UBR3: variants seen among roughly 807,000 people sequenced by gnomAD.
The protein encoded by UBR3 is ubiquitin protein ligase E3 component n-recognin 3.
UBR3 carries 85 observed loss-of-function variants against 243.2 expected under a neutral mutation model. That is an observed-to-expected ratio of 0.35 (90% CI 0.29 to 0.42). The LOEUF is 0.42. Ranked by LOEUF, UBR3 falls within the 10% of genes least tolerant of loss-of-function variation. The pLI is 1.00. For synonymous variants in UBR3, 748 were observed against 799.8 expected (o/e 0.94, Z 1.09); for missense variants, 1,686 against 2,300.8 (o/e 0.73, Z 5.47).
intron 24 of UBR3, 28 bp from the exon 25 acceptor site, chr2:169,986,617 T>C (rs763719952): frequency 1.3e-6 from 2 of 1,590,392 alleles, no homozygotes; most frequent in Non-Finnish European, 1.7e-6. Context: ...TCCTAAGGAA[T>C]TAAAGAGATG....
chr2:170,057,679 T>A (rs1278671608), intron 33 of UBR3, among the ~76,000 whole-genome samples: 7 of 152,172 alleles, frequency 4.6e-5, no homozygotes, highest in Non-Finnish European at 1.0e-4. Context: ...GTCCAGTTTT[T>A]TTCTGAACCT....
intron 32 of UBR3, among the ~76,000 whole-genome samples, chr2:170,045,325 C>T (rs61279818): frequency 0.051 from 7,741 of 152,118 alleles, 384 homozygotes; most frequent in African/African-American, 0.13. Context: ...TCCCACAACA[C>T]GAGGGAGTTA....
intron 1 of UBR3, among the ~76,000 whole-genome samples, chr2:169,857,601 A>C (rs75107001): frequency 7.5e-6 from 1 of 133,128 alleles, no homozygotes; most frequent in African/African-American, 2.7e-5. Context: ...TTTTTTTTTT[A>C]TTTTTAGTAG....
intron 30 of UBR3, 122 bp downstream of exon 30, chr2:170,015,488 G>T: frequency 1.6e-6 from 1 of 624,030 alleles, no homozygotes; most frequent in Non-Finnish European, 2.7e-6. Context: ...TTTAGATAGT[G>T]ATATATACTT....
intron 24 of UBR3, among the ~76,000 whole-genome samples, chr2:169,985,362 A>G (rs1321105295): frequency 6.6e-6 from 1 of 151,352 alleles, no homozygotes; most frequent in African/African-American, 2.4e-5. Flanking sequence ...CCAAGTAGCC[A>G]GGATTACAGG....
At chr2:169,843,867 T>C (rs2082376591) in intron 1 of UBR3, among the ~76,000 whole-genome samples, 1 of 152,236 alleles carries the variant, frequency 6.6e-6, no homozygotes, top group Admixed American at 6.5e-5. Flanking sequence ...AATATGACAT[T>C]ATTCCTTTTT....
chr2:170,028,428 G>C (rs1228519628), intron 30 of UBR3, among the ~76,000 whole-genome samples: 1 of 151,700 alleles, frequency 6.6e-6, no homozygotes, highest in Non-Finnish European at 1.5e-5. Flanking sequence ...ATAGGTTTGT[G>C]TCATTCAGTT....
chr2:169,954,396 A>G (rs898312276), intron 23 of UBR3, among the ~76,000 whole-genome samples: 9 of 151,604 alleles, frequency 5.9e-5, no homozygotes, highest in Admixed American at 3.9e-4. Flanking sequence ...GTGTGCCACC[A>G]TGCCTGGCTA....
chr2:169,949,016 A>G (rs1341123542), intron 22 of UBR3, among the ~76,000 whole-genome samples: 1 of 152,032 alleles, frequency 6.6e-6, no homozygotes, highest in Non-Finnish European at 1.5e-5. Flanking sequence ...TTAAAATTTA[A>G]TAAAACAAAT....
rs1339189949 is a variant in UBR3 at position 170,054,692 on chromosome 2, AT to A, written c.4661-760del. ...CCAAATTAGTAACCTAAACATCAAG[AT>A]TTTTTTTAACTTTGTAAGATTTATA... On this transcript the variant is annotated intron_variant, in intron 32 of 38. Coordinates refer to ENST00000272793, the MANE Select transcript of UBR3 (RefSeq NM_172070.4). Among the ~76,000 whole-genome samples the A allele has an allele frequency of 3.9e-5, 6 of 152,080 alleles. No homozygotes were observed. In the East Asian group the frequency reaches 7.7e-4, roughly 20 times the overall value.
chr2:169,940,115 T>C (rs1165892494), intron 19 of UBR3, among the ~76,000 whole-genome samples: 1 of 152,174 alleles, frequency 6.6e-6, no homozygotes, highest in African/African-American at 2.4e-5. Flanking sequence ...ATCAGGGAAA[T>C]TGGGATATTC....
chr2:169,831,129 T>TATATATATATATA (rs2081925483), intron 1 of UBR3, among the ~76,000 whole-genome samples: 1 of 23,784 alleles, frequency 4.2e-5, no homozygotes, highest in Non-Finnish European at 6.3e-5. Flanking sequence ...ATATATATAT[T>TATATATATATATA]TTTTTTTTTT....
intron 32 of UBR3, among the ~76,000 whole-genome samples, chr2:170,043,900 T>C (rs1288078674): frequency 2.0e-5 from 3 of 152,212 alleles, no homozygotes; most frequent in Non-Finnish European, 4.4e-5. Context: ...GTGTAATATT[T>C]TGCTAGCTGT....
intron 1 of UBR3, among the ~76,000 whole-genome samples, chr2:169,834,737 A>T (rs1052885465): frequency 6.6e-6 from 1 of 152,250 alleles, no homozygotes; most frequent in African/African-American, 2.4e-5. Context: ...CTCAGTAAAG[A>T]GATGTGAACT....
intron 1 of UBR3, among the ~76,000 whole-genome samples, chr2:169,845,492 TTCGTCGTCATCGTCGTCGTCG>T (rs1239130065): frequency 1.3e-3 from 161 of 123,518 alleles, no homozygotes; most frequent in African/African-American, 1.6e-3. Flanking sequence ...CCTTTCCCTC[TTCGTCGTCATCGTCGTCGTCG>T]TCGTCGTCGT....
chr2:169,910,951 A>G (rs1018293132), intron 10 of UBR3, among the ~76,000 whole-genome samples: 3 of 152,276 alleles, frequency 2.0e-5, no homozygotes, highest in African/African-American at 4.8e-5. Flanking sequence ...AAGAAACACT[A>G]TTATTTATAG....
chr2:169,930,545 C>G (rs1281046166), intron 18 of UBR3, among the ~76,000 whole-genome samples: 1 of 152,020 alleles, frequency 6.6e-6, no homozygotes, highest in East Asian at 1.9e-4. Context: ...CACCACCATG[C>G]TGGCTAATTT....
chr2:169,939,518 C>G (rs1272687733), intron 19 of UBR3, among the ~76,000 whole-genome samples: 1 of 151,716 alleles, frequency 6.6e-6, no homozygotes, highest in Non-Finnish European at 1.5e-5. Context: ...CCGCCCACCT[C>G]AGTCTCCCAA....
chr2:169,926,630 A>G (rs1400539692), intron 14 of UBR3, 62 bp from the exon 15 acceptor site: 1 of 1,446,580 alleles, frequency 6.9e-7, no homozygotes. Flanking sequence ...ATAGAAAAAC[A>G]TGATTAATAG....
Sources: gnomAD v4.1 joint callset for allele counts (sites outside exome capture counted in the v4.1 genomes callset) on GRCh38, gnomAD v4.1.1 for gene constraint, MANE v1.5 for transcripts, NCBI Gene and HGNC (gene_info 2026-07-23, HGNC 2026-07-21) for gene names.